CLPB: variants seen among roughly 807,000 people sequenced by gnomAD.
CLPB encodes mitochondrial disaggregase.
CLPB carries 40 observed loss-of-function variants against 78.4 expected under a neutral mutation model. That is an observed-to-expected ratio of 0.51 (90% confidence interval 0.40 to 0.66). The LOEUF (loss-of-function observed/expected upper bound fraction) is 0.66. CLPB is among the 30% of genes least tolerant of loss of function. The pLI is 0.00. For missense variants in CLPB, 780 were observed against 886.9 expected, an observed-to-expected ratio of 0.88 and a Z score of 1.53; for synonymous variants, 333 against 348.0, an observed-to-expected ratio of 0.96 and a Z score of 0.48.
At chr11:72,310,665 G>C (rs551583174) in intron 7 of CLPB, among the ~76,000 whole-genome samples, 1 of 152,288 alleles carries the variant, frequency 6.6e-6, no homozygotes, top group Admixed American at 6.5e-5. Context: ...TCTAAAAGTT[G>C]GCTAAATTAA....
chr11:72,330,970 G>A (rs1950213593), intron 5 of CLPB, among the ~76,000 whole-genome samples: 1 of 152,020 alleles, frequency 6.6e-6, no homozygotes, highest in Non-Finnish European at 1.5e-5. Flanking sequence ...TTGATGTACA[G>A]TAAAAACCAG....
Position 72,288,888 on chromosome 11 carries a change from C to A in CLPB, c.*4479G>T, listed in dbSNP as rs1340136914. 1 of 152,064 alleles carries A rather than the reference C, an allele frequency of 6.6e-6. No homozygotes were observed. The highest frequency in any genetic ancestry group is 2.4e-5 in the African/African-American group (1 of 41,400). 9.4% of individuals were successfully genotyped at this position (152,064 alleles called of 1,614,324 possible). On this transcript the variant is annotated 3_prime_UTR_variant, in exon 16 of 16. Transcript: ENST00000538039. ...CAGAGAATCTCTGGAAGAAGTAATT[C>A]TTTTTTTGTTTGTTTTTGTTGGAGA...
rs570572969 is a variant in CLPB, at chr11:72,422,039, G to A, written c.455+8273C>T. Reference sequence around the variant, plus strand: ...TCCCAGCACTTTGGGAGGCCAAGGCGGGCGGATCACGAGGTCAGGAGATCG... The same window carrying A: ...TCCCAGCACTTTGGGAGGCCAAGGCAGGCGGATCACGAGGTCAGGAGATCG... On this transcript the variant is annotated intron_variant, in intron 2 of 15. Transcript: ENST00000538039. 5.3e-5 allele frequency among the ~76,000 whole-genome samples: 8 copies of A among 152,064 alleles called. No individual in the cohort carries two copies. The East Asian group carries it at 9.7e-4, about 18-fold the overall frequency.
At position 72,371,328 on chromosome 11, in the gene CLPB, G is replaced by A. The variant is rs565863517; in HGVS notation, c.646+8953C>T. On this transcript the variant is annotated intron_variant, in intron 4 of 15. Transcript: ENST00000538039. ...GCAGATTGCCTGAGCTCAGGAGTTC[G>A]AGACCAGCCTGGGCAACATGGTGAA... is the stretch of plus-strand genomic sequence containing the variant. Among the ~76,000 whole-genome samples the A allele has an allele frequency of 2.3e-3, 343 of 152,064 alleles. 4 individuals carry two copies. The highest frequency in any genetic ancestry group is 0.011 in the South Asian group (53 of 4,818).
At chr11:72,350,635 A>G (rs1477813614) in intron 5 of CLPB, among the ~76,000 whole-genome samples, 3 of 152,222 alleles carry the variant, frequency 2.0e-5, no homozygotes, top group African/African-American at 7.2e-5. Flanking sequence ...GAGGTTTACA[A>G]ATTTTTTAAT....
chr11:72,336,243 CAAT>C (rs1270464545), intron 5 of CLPB, among the ~76,000 whole-genome samples: 4 of 152,164 alleles, frequency 2.6e-5, no homozygotes, highest in East Asian at 1.9e-4. Context: ...ACAACAACAA[CAAT>C]AACAACAACA....
intron 3 of CLPB, among the ~76,000 whole-genome samples, chr11:72,402,390 T>A (rs1349575684): frequency 2.0e-5 from 3 of 152,234 alleles, no homozygotes; most frequent in Admixed American, 6.5e-5. Context: ...AAAATGAGCA[T>A]AATATATATT....
chr11:72,420,991 A>C (rs561274544), intron 2 of CLPB, among the ~76,000 whole-genome samples: 3 of 152,286 alleles, frequency 2.0e-5, no homozygotes, highest in Admixed American at 2.0e-4. Context: ...GAAACCCCAT[A>C]TGTACTAAAA....
intron 7 of CLPB, chr11:72,311,029 G>A (rs1422160580): frequency 3.9e-5 from 6 of 152,164 alleles, no homozygotes; most frequent in South Asian, 2.1e-4. Context: ...GCATGAGTCC[G>A]GGGTGGGCTT....
At chr11:72,320,625 A>C (rs1406236593) in intron 6 of CLPB, among the ~76,000 whole-genome samples, 1 of 152,212 alleles carries the variant, frequency 6.6e-6, no homozygotes, top group East Asian at 1.9e-4. Context: ...AGGCAGGCAG[A>C]AGATTACTGC....
intron 3 of CLPB, among the ~76,000 whole-genome samples, chr11:72,385,547 G>T (rs1855049079): frequency 6.6e-6 from 1 of 152,102 alleles, no homozygotes; most frequent in African/African-American, 2.4e-5. Flanking sequence ...TACTGGCTGG[G>T]CACAGTGGCT....
At chr11:72,400,822 C>T (rs548236584) in intron 3 of CLPB, among the ~76,000 whole-genome samples, 2 of 152,288 alleles carry the variant, frequency 1.3e-5, no homozygotes, top group Admixed American at 1.3e-4. Context: ...ATCTACTATG[C>T]TGCCACATTG....
At chr11:72,306,021 A>G (rs776572163) in intron 9 of CLPB, among the ~76,000 whole-genome samples, 4 of 152,118 alleles carry the variant, frequency 2.6e-5, no homozygotes, top group Non-Finnish European at 5.9e-5. Context: ...CCAGAGTGCT[A>G]ATTGTTTCAA....
chr11:72,287,187 C>T lies in CLPB; in HGVS notation c.*6180G>A, dbSNP rs536522027. 3 of 152,216 alleles carry T rather than the reference C, an allele frequency of 2.0e-5. No homozygotes were observed. Among genetic ancestry groups the T allele is most frequent in the African/African-American group, 7.2e-5 (3 of 41,546 alleles). 9.4% of individuals were successfully genotyped at this position (152,216 alleles called of 1,614,324 possible). On this transcript the variant is annotated 3_prime_UTR_variant, in exon 16 of 16. Transcript: ENST00000538039. ...GGTTTGAGTACAATAATAGTTAAAACTCATCTATTTTGGGGGTTGAGTGAT... is the reference window on the plus strand; with the variant it reads ...GGTTTGAGTACAATAATAGTTAAAATTCATCTATTTTGGGGGTTGAGTGAT...
intron 5 of CLPB, among the ~76,000 whole-genome samples, chr11:72,353,490 A>G (rs1391379058): frequency 6.6e-6 from 1 of 152,218 alleles, no homozygotes; most frequent in African/African-American, 2.4e-5. Context: ...GGGATCAGCA[A>G]AGAGTAGACC....
chr11:72,335,913 C>A (rs1389458661), intron 5 of CLPB, among the ~76,000 whole-genome samples: 1 of 152,128 alleles, frequency 6.6e-6, no homozygotes, highest in Non-Finnish European at 1.5e-5. Context: ...TTCCTATAGA[C>A]CAAAGTCCCC....
chr11:72,387,980 C>T (rs1304635782), intron 3 of CLPB, among the ~76,000 whole-genome samples: 1 of 152,180 alleles, frequency 6.6e-6, no homozygotes, highest in African/African-American at 2.4e-5. Flanking sequence ...AACTGTGCTA[C>T]CTGGGCCTCT....
intron 13 of CLPB, 47 bp downstream of exon 13, chr11:72,294,573 C>T (rs759256728): frequency 6.2e-7 from 1 of 1,605,934 alleles, no homozygotes; most frequent in African/African-American, 1.3e-5. Context: ...AGATCACCCT[C>T]CCCCAACCTT....
At chr11:72,372,307 T>C (rs1391654779) in intron 4 of CLPB, among the ~76,000 whole-genome samples, 2 of 152,212 alleles carry the variant, frequency 1.3e-5, no homozygotes, top group African/African-American at 4.8e-5. Context: ...GAATTTCTTC[T>C]ATGTTCTGGG....
Sources: gnomAD v4.1 joint callset for allele counts (sites outside exome capture counted in the v4.1 genomes callset) on GRCh38, gnomAD v4.1.1 for gene constraint, MANE v1.5 for transcripts, NCBI Gene and HGNC (gene_info 2026-07-23, HGNC 2026-07-21) for gene names.